The following GAPVD1 variants were observed in gnomAD, a reference collection of about 807,000 sequenced individuals.
GAPVD1 encodes the protein GTPase-activating protein and VPS9 domain-containing protein 1.
GAPVD1 carries 35 observed loss-of-function variants against 155.5 expected under a neutral mutation model. The observed-to-expected ratio is 0.23, with a 90% CI of 0.17 to 0.30. The LOEUF is 0.30. GAPVD1 is among the 10% of genes least tolerant of loss of function. The probability of loss-of-function intolerance (pLI) is 1.00; values close to 1 mark genes in which losing one functional copy is unlikely to be tolerated. For synonymous variants in GAPVD1, 636 were observed against 619.7 expected, an observed-to-expected ratio of 1.03 and a Z score of -0.39; for missense variants, 1,429 against 1,775.7, an observed-to-expected ratio of 0.80 and a Z score of 3.51.
chr9:125,300,037 AAATATAT>A lies in GAPVD1; in HGVS notation c.185+933_185+939del, dbSNP rs1157530984. 6.3e-5 allele frequency among the ~76,000 whole-genome samples: 2 copies of A among 31,996 alleles called. 1 individual carries two copies. Among genetic ancestry groups the A allele is most frequent in the African/African-American group, 2.7e-4 (2 of 7,276 alleles). The allele number at this position is 31,996 out of a possible 152,430, so 21.0% of individuals were successfully genotyped here. A position where few individuals can be genotyped will look rare whatever the true frequency, so the allele number is the denominator to read the frequency against. On this transcript the variant is annotated intron_variant, in intron 4 of 27. Transcript: ENST00000297933. ...CTGTCTCAAAAGAAAAAAAAAAAAA[AAATATAT>A]ATATATATATATATATATATATATA...
At chr9:125,359,030 T>C (rs1238051340) in intron 25 of GAPVD1, among the ~76,000 whole-genome samples, 2 of 152,186 alleles carry the variant, frequency 1.3e-5, no homozygotes, top group Non-Finnish European at 2.9e-5. Flanking sequence ...TGGAGGCCCT[T>C]CTCCATGTAA....
At position 125,337,335 on chromosome 9, in the gene GAPVD1, T is replaced by C. The variant is rs1239497702; in HGVS notation, c.2621T>C (p.Phe874Ser). 1 of 1,614,208 alleles carries C rather than the reference T, an allele frequency of 6.2e-7. No homozygotes were observed. The highest frequency in any genetic ancestry group is 1.1e-5 in the South Asian group (1 of 91,088). ...GGAAATGAGGCCAGGTTGCCAAACT[T>C]TGGTTCCCATGTTTTAACTCCAGCT... ...VGGNEARLPN[F>S]GSHVLTPAEM... Residue 874 changes from phenylalanine (F) to serine (S), a missense_variant, in exon 17 of 28, where the codon TTT becomes TCT. Transcript: ENST00000297933.
At chr9:125,306,335 G>C (rs140220133) in intron 6 of GAPVD1, among the ~76,000 whole-genome samples, 7 of 152,196 alleles carry the variant, frequency 4.6e-5, no homozygotes, top group African/African-American at 1.2e-4. Context: ...GCCCCCAAAA[G>C]ATTCTTGATG....
chr9:125,293,454 G>C (rs1588696170), intron 2 of GAPVD1, among the ~76,000 whole-genome samples: 1 of 146,524 alleles, frequency 6.8e-6, no homozygotes, highest in Admixed American at 6.9e-5. Flanking sequence ...TAGAGAAATG[G>C]CTTTTTTTTT....
At chr9:125,362,512 C>A in intron 27 of GAPVD1, 94 bp from the exon 28 acceptor site, 1 of 1,038,354 alleles carries the variant, frequency 9.6e-7, no homozygotes, top group African/African-American at 1.6e-5. Flanking sequence ...ATTGGTATGT[C>A]TTTCATAGAA....
At chr9:125,359,217 C>T (rs554654368) in intron 25 of GAPVD1, among the ~76,000 whole-genome samples, 7 of 152,316 alleles carry the variant, frequency 4.6e-5, no homozygotes, top group African/African-American at 1.7e-4. Flanking sequence ...CCCCTCCCTG[C>T]ATCCCCTTGG....
chr9:125,305,095 T>C lies in GAPVD1; in HGVS notation c.1062T>C (p.Thr354=). ...VGRLLQQLAM[T]GSEEGDPRTK... The stretch of plus-strand genomic sequence containing the variant: ...GCCTTTTGCAGCAGTTAGCAATGAC[T>C]GGCTCTGAAGAGGGAGATCCCCGAA... The change falls in exon 6 of 28, where the codon ACT becomes ACC. Residue 354 remains threonine (T), a synonymous_variant. Transcript: ENST00000297933. The C allele has an allele frequency of 6.2e-7, 1 of 1,614,082 alleles. No individual in the cohort carries two copies. Among genetic ancestry groups the C allele is most frequent in the Non-Finnish European group, 8.5e-7 (1 of 1,179,922 alleles).
rs1162694520 is a variant in GAPVD1, at chr9:125,305,149, A to G, written c.1116A>G (p.Lys372=). ...AGAGCAGCCTTGGAAAGTTTGACAA[A>G]GTAAGAATAAATATGATTTATAGAA... ...RTKSSLGKFD[K]SCVAAFLDVV... Residue 372 remains lysine (K), a splice_region_variant and synonymous_variant, in exon 6 of 28, where the codon AAA becomes AAG. Coordinates refer to ENST00000297933, the MANE Select transcript of GAPVD1 (RefSeq NM_001282680.3). 1.3e-6 allele frequency: 2 copies of G among 1,595,958 alleles called. No individual in the cohort carries two copies. The highest frequency in any genetic ancestry group is 1.7e-4 in the Middle Eastern group (1 of 6,014).
At chr9:125,338,962 TA>T (rs1847446343) in intron 17 of GAPVD1, among the ~76,000 whole-genome samples, 6 of 92,162 alleles carry the variant, frequency 6.5e-5, no homozygotes, top group East Asian at 5.6e-4. Context: ...TGTGTGTATA[TA>T]TATTTTTTGT....
chr9:125,302,999 A>C (rs771510822), intron 5 of GAPVD1, among the ~76,000 whole-genome samples, 173 bp downstream of exon 5: 1 of 152,160 alleles, frequency 6.6e-6, no homozygotes, highest in Non-Finnish European at 1.5e-5. Flanking sequence ...ACTGGGATTT[A>C]AAATTATTGC....
At chr9:125,285,621 G>A (rs970027198) in intron 2 of GAPVD1, among the ~76,000 whole-genome samples, 6 of 151,502 alleles carry the variant, frequency 4.0e-5, no homozygotes, top group Admixed American at 1.3e-4. Context: ...CACCACACCC[G>A]GCTAATTTTT....
chr9:125,352,800 C>CT (rs1363519061), intron 23 of GAPVD1, among the ~76,000 whole-genome samples: 3 of 152,170 alleles, frequency 2.0e-5, no homozygotes, highest in African/African-American at 7.2e-5. Flanking sequence ...CGTTTATGCT[C>CT]TGTTTCCCTT....
Position 125,335,241 on chromosome 9 carries a change from A to T in GAPVD1, c.2429-1777A>T, listed in dbSNP as rs145786844. On this transcript the variant is annotated intron_variant, in intron 15 of 27. Coordinates refer to ENST00000297933, the MANE Select transcript of GAPVD1 (RefSeq NM_001282680.3). Reference sequence around the variant, plus strand: ...GAAGCAGAAGCAGACATGAGAATCCAGCTGTCTTCTAGTAAGCTGTACATT... The same window carrying T: ...GAAGCAGAAGCAGACATGAGAATCCTGCTGTCTTCTAGTAAGCTGTACATT... 387 of 765,744 alleles carry T rather than the reference A, an allele frequency of 5.1e-4. 2 individuals carry two copies. In the African/African-American group the frequency reaches 6.1e-3, roughly 12 times the overall value. The allele number at this position is 765,744 out of a possible 1,614,324, so 47.4% of individuals were successfully genotyped here.
At chr9:125,314,315 G>C (rs1843079434) in intron 9 of GAPVD1, among the ~76,000 whole-genome samples, 2 of 152,218 alleles carry the variant, frequency 1.3e-5, no homozygotes, top group African/African-American at 4.8e-5. Context: ...TTTGAGGCTT[G>C]GGAATCATTT....
intron 2 of GAPVD1, among the ~76,000 whole-genome samples, chr9:125,271,278 C>G (rs532121746): frequency 6.6e-6 from 1 of 151,766 alleles, no homozygotes; most frequent in Admixed American, 6.6e-5. Flanking sequence ...CTTATAATGC[C>G]GGTACACCCA....
At chr9:125,276,500 G>A (rs766176569) in intron 2 of GAPVD1, among the ~76,000 whole-genome samples, 14 of 152,084 alleles carry the variant, frequency 9.2e-5, no homozygotes, top group Non-Finnish European at 1.9e-4. Flanking sequence ...ACCAGCCTGA[G>A]CAACATGGTG....
intron 2 of GAPVD1, among the ~76,000 whole-genome samples, chr9:125,269,485 G>A (rs1034069144): frequency 6.6e-6 from 1 of 151,310 alleles, no homozygotes; most frequent in East Asian, 1.9e-4. Flanking sequence ...GGATATTTTA[G>A]TTTTTGTTCT....
At chr9:125,296,515 C>G (rs769987466) in intron 3 of GAPVD1, among the ~76,000 whole-genome samples, 1 of 150,736 alleles carries the variant, frequency 6.6e-6, no homozygotes, top group Admixed American at 6.6e-5. Context: ...CCACCATGCC[C>G]GGCTAATTTT....
chr9:125,324,811 G>A (rs1844887427), intron 11 of GAPVD1, among the ~76,000 whole-genome samples: 2 of 152,192 alleles, frequency 1.3e-5, no homozygotes, highest in Non-Finnish European at 2.9e-5. Context: ...TGGAAAGAAG[G>A]ATATCAGTAT....
Sources: allele counts gnomAD v4.1 joint callset (sites outside exome capture counted in the v4.1 genomes callset), GRCh38; gene constraint gnomAD v4.1.1; transcripts MANE v1.5; gene names NCBI Gene and HGNC (gene_info 2026-07-23, HGNC 2026-07-21).